PRKAR1B: variants seen among roughly 807,000 people sequenced by gnomAD.
PRKAR1B encodes the protein cAMP-dependent protein kinase type I-beta regulatory subunit.
PRKAR1B carries 22 observed loss-of-function variants against 46.5 expected under a neutral mutation model. That is an observed-to-expected ratio of 0.47 (90% CI 0.34 to 0.68). The LOEUF is 0.68. PRKAR1B is among the 30% of genes least tolerant of loss of function. PRKAR1B has a pLI of 0.01. For missense variants in PRKAR1B, 445 were observed against 535.6 expected (o/e 0.83, Z 1.67); for synonymous variants, 259 against 217.7 (o/e 1.19, Z -1.67).
intron 2 of PRKAR1B, among the ~76,000 whole-genome samples, chr7:692,355 G>A (rs937962969): frequency 3.9e-5 from 6 of 152,286 alleles, no homozygotes; most frequent in Non-Finnish European, 8.8e-5. Context: ...AGCTGAGATC[G>A]CGCCATGGCA....
intron 4 of PRKAR1B, among the ~76,000 whole-genome samples, chr7:648,916 C>A (rs949970406): frequency 6.6e-6 from 1 of 152,206 alleles, no homozygotes; most frequent in East Asian, 1.9e-4. Context: ...GTAATCCCAG[C>A]ACTTTGGGAG....
intron 9 of PRKAR1B, among the ~76,000 whole-genome samples, chr7:568,934 G>A (rs1779333322): frequency 6.6e-6 from 1 of 151,732 alleles, no homozygotes; most frequent in African/African-American, 2.4e-5. Context: ...GAAAGCCGGG[G>A]CCCGCGGGGG....
intron 2 of PRKAR1B, among the ~76,000 whole-genome samples, chr7:686,020 G>C (rs1317810189): frequency 6.6e-6 from 1 of 152,152 alleles, no homozygotes; most frequent in African/African-American, 2.4e-5. Context: ...TGGAGAATCG[G>C]CCAGGTGTGG....
intron 4 of PRKAR1B, among the ~76,000 whole-genome samples, chr7:633,897 G>A (rs1393394615): frequency 6.6e-6 from 1 of 152,208 alleles, no homozygotes. Context: ...GGGCTCCTCA[G>A]GGATTTGGAC....
At chr7:654,251 A>C (rs1168738692) in intron 4 of PRKAR1B, among the ~76,000 whole-genome samples, 1 of 147,990 alleles carries the variant, frequency 6.8e-6, no homozygotes, top group African/African-American at 2.5e-5. Context: ...CCTCATCACC[A>C]TCATCACCAT....
At chr7:691,122 C>A (rs1562619981) in intron 2 of PRKAR1B, among the ~76,000 whole-genome samples, 1 of 151,668 alleles carries the variant, frequency 6.6e-6, no homozygotes, top group Non-Finnish European at 1.5e-5. Flanking sequence ...CCCACACTGG[C>A]CAGTCCGCTG....
chr7:553,885 TTA>T (rs1784402533), intron 9 of PRKAR1B, among the ~76,000 whole-genome samples: 1 of 152,232 alleles, frequency 6.6e-6, no homozygotes, highest in Non-Finnish European at 1.5e-5. Flanking sequence ...TCTGCCGTGT[TTA>T]TGAATCCAGC....
chr7:629,302 G>C (rs1024195372), intron 4 of PRKAR1B, among the ~76,000 whole-genome samples: 1 of 151,802 alleles, frequency 6.6e-6, no homozygotes, highest in Admixed American at 6.6e-5. Context: ...ACCACCCCAG[G>C]GCTGGAAAAC....
Position 666,816 on chromosome 7 carries a change from CG to C in PRKAR1B, c.440+10412del, listed in dbSNP as rs1022802165. On this transcript the variant is annotated intron_variant, in intron 4 of 10. Coordinates refer to ENST00000537384, the MANE Select transcript of PRKAR1B (RefSeq NM_001164760.2). This position sits in a 1 kb window ranked among gnomAD's most constrained non-coding sequence, Gnocchi z 4.9. ...CCAAGTACTGAGTGGGGCCTGACTGCGGGGTCTGTCTGGATAGCCGGGCCAG... is the reference window on the plus strand; with the variant it reads ...CCAAGTACTGAGTGGGGCCTGACTGCGGGTCTGTCTGGATAGCCGGGCCAG... Among the ~76,000 whole-genome samples, 1 of 152,186 alleles carries C rather than the reference CG, an allele frequency of 6.6e-6. No individual in the cohort carries two copies. Among genetic ancestry groups the C allele is most frequent in the African/African-American group, 2.4e-5 (1 of 41,438 alleles).
rs1780623735 is a variant in PRKAR1B at position 711,436 on chromosome 7, G to C, written c.70C>G (p.Leu24Val). ...TTGAGGACCTGCTGGATCCCGTGCAGCTGCACGTACAGCTCACAGCCCTTC... is the reference window on the plus strand; with the variant it reads ...TTGAGGACCTGCTGGATCCCGTGCACCTGCACGTACAGCTCACAGCCCTTC... ...SLKGCELYVQ[L>V]HGIQQVLKDC... The change falls in exon 2 of 11, where the codon CTG becomes GTG. Residue 24 changes from leucine to valine, a missense_variant. This residue lies in a region of PRKAR1B where 155 missense variants were observed against 127.5 expected (regional missense o/e 1.22). Coordinates refer to ENST00000537384, the MANE Select transcript of PRKAR1B (RefSeq NM_001164760.2). 1 of 1,614,108 alleles carries C rather than the reference G, an allele frequency of 6.2e-7. No individual in the cohort carries two copies. The highest frequency in any genetic ancestry group is 1.3e-5 in the African/African-American group (1 of 74,954).
intron 3 of PRKAR1B, among the ~76,000 whole-genome samples, chr7:680,007 A>G (rs144251220): frequency 6.6e-6 from 1 of 151,766 alleles, no homozygotes; most frequent in Admixed American, 6.6e-5. Context: ...AAATACAAAA[A>G]ATTAGCTGGG....
In PRKAR1B at chr7:602,058, C is replaced by T. The variant is rs1256289032; in HGVS notation, c.549+4135G>A. Among the ~76,000 whole-genome samples the T allele has an allele frequency of 1.3e-5, 2 of 152,152 alleles. No homozygotes were observed. Among genetic ancestry groups the T allele is most frequent in the East Asian group, 1.9e-4 (1 of 5,178 alleles). On this transcript the variant is annotated intron_variant, in intron 6 of 10. Transcript: ENST00000537384. The surrounding 1 kb of genome is among the most constrained non-coding windows in gnomAD (Gnocchi z 6.4). The stretch of plus-strand genomic sequence containing the variant: ...TGCCTCCCAACGTCCCCGGGCCTGG[C>T]GAGAAGCCAGGCAGGACGCCACGAC...
intron 2 of PRKAR1B, among the ~76,000 whole-genome samples, chr7:703,759 C>T (rs1322946279): frequency 6.6e-6 from 1 of 151,838 alleles, no homozygotes; most frequent in Non-Finnish European, 1.5e-5. Flanking sequence ...CACCCAACAG[C>T]AGCACACAGT....
At chr7:554,233 C>A (rs892169208) in intron 9 of PRKAR1B, among the ~76,000 whole-genome samples, 1 of 151,188 alleles carries the variant, frequency 6.6e-6, no homozygotes, top group Non-Finnish European at 1.5e-5. Flanking sequence ...AAAGCTGTGG[C>A]CACTCTGAGA....
At chr7:717,640 A>G (rs1285504151) in intron 1 of PRKAR1B, among the ~76,000 whole-genome samples, 1 of 152,220 alleles carries the variant, frequency 6.6e-6, no homozygotes, top group African/African-American at 2.4e-5. Flanking sequence ...CCTGGGCAAC[A>G]GAGTGAGACC....
chr7:600,770 G>A (rs929532224), intron 6 of PRKAR1B, among the ~76,000 whole-genome samples: 3 of 152,340 alleles, frequency 2.0e-5, no homozygotes, highest in Non-Finnish European at 4.4e-5. Flanking sequence ...CAGGGGAAGA[G>A]TCGAGCCCCA....
chr7:616,593 A>G lies in PRKAR1B; in HGVS notation c.441-9141T>C, dbSNP rs940703301. Reference sequence around the variant, plus strand: ...TCCACCCAGTTCTGCTGTGGCAGCCATCGCACAGCGGCTCCTCACCGGCCA... The same window carrying G: ...TCCACCCAGTTCTGCTGTGGCAGCCGTCGCACAGCGGCTCCTCACCGGCCA... On this transcript the variant is annotated intron_variant, in intron 4 of 10. Coordinates refer to ENST00000537384, the MANE Select transcript of PRKAR1B (RefSeq NM_001164760.2). Among the ~76,000 whole-genome samples the G allele has an allele frequency of 5.9e-5, 9 of 152,118 alleles. No individual in the cohort carries two copies. In the East Asian group the frequency reaches 1.7e-3, roughly 29 times the overall value.
Position 690,994 on chromosome 7 carries a change from C to T in PRKAR1B, c.178-10268G>A, listed in dbSNP as rs550923743. On this transcript the variant is annotated intron_variant, in intron 2 of 10. Coordinates refer to ENST00000537384, the MANE Select transcript of PRKAR1B (RefSeq NM_001164760.2). ...CATCGGCTCTGCTGCAAATCCTACC[C>T]GAAGGGTCCCGCGCCCACCCACACT... 3.2e-3 allele frequency among the ~76,000 whole-genome samples: 483 copies of T among 152,282 alleles called. 1 individual carries two copies. The highest frequency in any genetic ancestry group is 0.011 in the African/African-American group (460 of 41,564).
chr7:590,627 G>A (rs1000727228), intron 7 of PRKAR1B, among the ~76,000 whole-genome samples: 2 of 152,186 alleles, frequency 1.3e-5, no homozygotes, highest in Admixed American at 1.3e-4. Context: ...TTCTCCATCA[G>A]CTCTGGGTCA....
Sources: allele counts gnomAD v4.1 joint callset (sites outside exome capture counted in the v4.1 genomes callset), GRCh38; gene constraint gnomAD v4.1.1; regional missense constraint gnomAD v4.1.1; non-coding constraint Gnocchi (gnomAD v3.1); transcripts MANE v1.5; gene names NCBI Gene and HGNC (gene_info 2026-07-23, HGNC 2026-07-21).